The following STAG1 variants were observed in gnomAD, a reference collection of about 807,000 sequenced individuals.
The protein encoded by STAG1 is STAG1 cohesin complex component, also known as cohesin subunit SA-1.
In STAG1, 26 loss-of-function variants were observed where a neutral mutation model predicts 170.9. The observed-to-expected ratio is 0.15, with a 90% confidence interval of 0.11 to 0.21. The LOEUF (loss-of-function observed/expected upper bound fraction) is 0.21, where lower values mean the gene tolerates loss of function less well. Among genes scored for constraint, STAG1 ranks in the 10% least tolerant of loss-of-function variants. The probability of loss-of-function intolerance (pLI) is 1.00; values close to 1 mark genes in which losing one functional copy is unlikely to be tolerated. For missense variants in STAG1, 964 were observed against 1,509.5 expected, an observed-to-expected ratio of 0.64 and a Z score of 5.99; for synonymous variants, 514 against 497.7, an observed-to-expected ratio of 1.03 and a Z score of -0.44.
chr3:136,614,475 TGAAA>T (rs1404682533), intron 3 of STAG1, among the ~76,000 whole-genome samples: 2 of 152,128 alleles, frequency 1.3e-5, no homozygotes, highest in Non-Finnish European at 2.9e-5. Flanking sequence ...CTGAAATACC[TGAAA>T]GAAAGCCTGC....
At chr3:136,379,963 A>G (rs1937858467) in intron 22 of STAG1, among the ~76,000 whole-genome samples, 1 of 152,112 alleles carries the variant, frequency 6.6e-6, no homozygotes, top group African/African-American at 2.4e-5. Context: ...TCTAAACACA[A>G]TGGAGAATGA....
chr3:136,543,522 T>C (rs9289511), intron 5 of STAG1, among the ~76,000 whole-genome samples: 7,172 of 152,284 alleles, frequency 0.047, 207 homozygotes, highest in East Asian at 0.13. Context: ...GTAATTGTAG[T>C]TGCAGTGATT....
At chr3:136,549,227 C>G (rs1334815963) in intron 5 of STAG1, among the ~76,000 whole-genome samples, 1 of 152,100 alleles carries the variant, frequency 6.6e-6, no homozygotes, top group African/African-American at 2.4e-5. Context: ...AGAAATACAA[C>G]TAAATTTATA....
chr3:136,433,796 T>C (rs1357192818), intron 15 of STAG1, 137 bp from the exon 16 acceptor site: 25 of 628,194 alleles, frequency 4.0e-5, no homozygotes, highest in Non-Finnish European at 6.7e-5. Context: ...CTCTGTACTT[T>C]GCTATTTTTT....
At chr3:136,636,876 C>T (rs1341606435) in intron 1 of STAG1, among the ~76,000 whole-genome samples, 2 of 152,162 alleles carry the variant, frequency 1.3e-5, no homozygotes, top group Non-Finnish European at 2.9e-5. Flanking sequence ...TAAGAACAAA[C>T]CCTGGACAGG....
At chr3:136,693,709 C>A (rs1236793875) in intron 1 of STAG1, among the ~76,000 whole-genome samples, 3 of 151,910 alleles carry the variant, frequency 2.0e-5, no homozygotes, top group Non-Finnish European at 4.4e-5. Flanking sequence ...GCTAGGACCA[C>A]AAGTGCACAC....
intron 9 of STAG1, among the ~76,000 whole-genome samples, chr3:136,485,538 T>C (rs2089991366): frequency 6.6e-6 from 1 of 152,160 alleles, no homozygotes; most frequent in Non-Finnish European, 1.5e-5. Flanking sequence ...GGGACAAGAA[T>C]ATTTCTTTTT....
intron 15 of STAG1, among the ~76,000 whole-genome samples, chr3:136,437,645 T>C (rs1288132654): frequency 5.3e-5 from 8 of 152,212 alleles, no homozygotes; most frequent in Non-Finnish European, 8.8e-5. Flanking sequence ...ACCTAAATCA[T>C]CACAAAATGA....
chr3:136,627,991 T>C (rs1940179789), intron 2 of STAG1, among the ~76,000 whole-genome samples: 2 of 152,194 alleles, frequency 1.3e-5, no homozygotes, highest in South Asian at 2.1e-4. Flanking sequence ...TAGCTTATTA[T>C]ATCTCTATCA....
intron 7 of STAG1, among the ~76,000 whole-genome samples, chr3:136,516,263 C>CT (rs1934369149): frequency 1.3e-5 from 2 of 152,000 alleles, no homozygotes; most frequent in Admixed American, 1.3e-4. Flanking sequence ...AATCCCAGCA[C>CT]TTTTAGAGGC....
At chr3:136,517,881 G>C (rs567120583) in intron 7 of STAG1, among the ~76,000 whole-genome samples, 1 of 152,012 alleles carries the variant, frequency 6.6e-6, no homozygotes, top group African/African-American at 2.4e-5. Flanking sequence ...AGGACAGTAT[G>C]TTTGAAAATT....
At chr3:136,361,025 G>C (rs1216868090) in intron 26 of STAG1, among the ~76,000 whole-genome samples, 3 of 152,146 alleles carry the variant, frequency 2.0e-5, no homozygotes, top group Admixed American at 6.5e-5. Context: ...AACTTAAAGT[G>C]TACATTTAAA....
At chr3:136,545,012 G>A (rs796344034) in intron 5 of STAG1, among the ~76,000 whole-genome samples, 5 of 152,154 alleles carry the variant, frequency 3.3e-5, no homozygotes, top group African/African-American at 9.6e-5. Flanking sequence ...CCAAGCATAT[G>A]ACAGGATCAT....
chr3:136,399,028 G>C (rs866758), intron 21 of STAG1, among the ~76,000 whole-genome samples, 199 bp from the exon 22 acceptor site: 51,418 of 151,912 alleles, frequency 0.34, 10,978 homozygotes, highest in East Asian at 0.8. Context: ...GGAGAATAAA[G>C]ACACAACATA....
At chr3:136,524,203 G>A (rs199979772) in intron 6 of STAG1, among the ~76,000 whole-genome samples, 106 of 152,186 alleles carry the variant, frequency 7.0e-4, no homozygotes, top group African/African-American at 2.0e-3. Context: ...CCATTTTCAC[G>A]ATATTGATTA....
At chr3:136,603,620 C>G (rs1938789441) in intron 4 of STAG1, among the ~76,000 whole-genome samples, 3 of 152,120 alleles carry the variant, frequency 2.0e-5, no homozygotes, top group African/African-American at 7.2e-5. Flanking sequence ...CGCGGTGGCT[C>G]ACGCCTGTAA....
Position 136,622,783 on chromosome 3 carries a change from T to C in STAG1, c.132+363A>G, listed in dbSNP as rs1939923527. On this transcript the variant is annotated intron_variant, in intron 3 of 33. Coordinates refer to ENST00000383202, the MANE Select transcript of STAG1 (RefSeq NM_005862.3). ...CCCAATCAGGTTATCAATGAGAATA[T>C]ACTCTGAGACTGGCCCCAAACTCCA... 2.6e-5 allele frequency among the ~76,000 whole-genome samples: 4 copies of C among 152,196 alleles called. No homozygotes were observed. In the South Asian group the frequency reaches 8.3e-4, roughly 31 times the overall value.
At chr3:136,404,984 T>C (rs1057385982) in intron 21 of STAG1, among the ~76,000 whole-genome samples, 5 of 152,104 alleles carry the variant, frequency 3.3e-5, no homozygotes, top group Non-Finnish European at 7.4e-5. Context: ...TCTATTTTTC[T>C]GTTGGCAAGA....
In STAG1 at chr3:136,509,750, C is replaced by T. The variant is rs112287839; in HGVS notation, c.677-6971G>A. On this transcript the variant is annotated intron_variant, in intron 7 of 33. Coordinates refer to ENST00000383202, the MANE Select transcript of STAG1 (RefSeq NM_005862.3). ...GGAAATGGGATGCCTAAAACGAAGT[C>T]GAAGGACACTGACCCTTTTAATCAA... 2.0e-4 allele frequency among the ~76,000 whole-genome samples: 30 copies of T among 152,234 alleles called. 1 individual carries two copies. Among genetic ancestry groups the T allele is most frequent in the African/African-American group, 6.7e-4 (28 of 41,532 alleles).
Sources: allele counts gnomAD v4.1 joint callset (sites outside exome capture counted in the v4.1 genomes callset), GRCh38; gene constraint gnomAD v4.1.1; transcripts MANE v1.5; gene names NCBI Gene and HGNC (gene_info 2026-07-23, HGNC 2026-07-21).